MACROD2: variants seen among roughly 807,000 people sequenced by gnomAD.
MACROD2 encodes the protein ADP-ribose glycohydrolase MACROD2.
MACROD2 carries 36 observed loss-of-function variants against 70.4 expected under a neutral mutation model. That is an observed-to-expected ratio of 0.51 (90% CI 0.39 to 0.68). The LOEUF is 0.68. MACROD2 is among the 30% of genes least tolerant of loss of function. The pLI, the probability that MACROD2 is intolerant of heterozygous loss-of-function variation, is 0.00. For missense variants in MACROD2, 496 were observed against 538.4 expected, an observed-to-expected ratio of 0.92 and a Z score of 0.78; for synonymous variants, 172 against 178.8, an observed-to-expected ratio of 0.96 and a Z score of 0.30.
chr20:15,047,445 A>T (rs746521644), intron 5 of MACROD2, among the ~76,000 whole-genome samples: 3 of 152,172 alleles, frequency 2.0e-5, no homozygotes, highest in Non-Finnish European at 4.4e-5. Context: ...ACACTTATGG[A>T]ATTATATAAG....
At chr20:14,142,930 GATTTA>G (rs2054896379) in intron 3 of MACROD2, among the ~76,000 whole-genome samples, 2 of 152,178 alleles carry the variant, frequency 1.3e-5, no homozygotes, top group Admixed American at 1.3e-4. Flanking sequence ...AGCATAGATT[GATTTA>G]AAGTCTTAAG....
At position 15,256,234 on chromosome 20, in the gene MACROD2, CTTCTT is replaced by C. The variant is rs1442833558; in HGVS notation, c.540+26176_540+26180del. On this transcript the variant is annotated intron_variant, in intron 6 of 17. Transcript: ENST00000684519. ...AGTTTTTTGCAGCTCTTACTCTCCT[CTTCTT>C]TTGTGTTTGAAAATTTAAAAAGTGA... Among the ~76,000 whole-genome samples, 22 of 152,138 alleles carry C rather than the reference CTTCTT, an allele frequency of 1.4e-4. 1 individual carries two copies. In the East Asian group the frequency reaches 4.1e-3, roughly 28 times the overall value.
chr20:14,284,450 C>G (rs928496821), intron 3 of MACROD2, among the ~76,000 whole-genome samples: 1 of 152,150 alleles, frequency 6.6e-6, no homozygotes, highest in Non-Finnish European at 1.5e-5. Context: ...AATGGTGTCC[C>G]TCTGAAACCC....
At chr20:15,141,908 A>T (rs1219904996) in intron 5 of MACROD2, among the ~76,000 whole-genome samples, 1 of 152,102 alleles carries the variant, frequency 6.6e-6, no homozygotes, top group East Asian at 1.9e-4. Context: ...ACCCAGATCG[A>T]GCTTGTGCTT....
chr20:14,492,433 A>G (rs890228784), intron 3 of MACROD2, among the ~76,000 whole-genome samples: 7 of 152,210 alleles, frequency 4.6e-5, no homozygotes, highest in Non-Finnish European at 1.0e-4. Flanking sequence ...AACAACAATC[A>G]GTAAACTGTC....
Position 14,088,744 on chromosome 20 carries a change from C to T in MACROD2, c.271+3016C>T, listed in dbSNP as rs574258824. Among the ~76,000 whole-genome samples, 10 of 152,274 alleles carry T rather than the reference C, an allele frequency of 6.6e-5. No individual in the cohort carries two copies. The East Asian group carries it at 1.9e-3, about 29-fold the overall frequency. ...CTAGTGCCATTTTCTCTTTTTGTGT[C>T]AACTCCCCAAGCAATGTCATCTCCT... On this transcript the variant is annotated intron_variant, in intron 3 of 17. Coordinates refer to ENST00000684519, the MANE Select transcript of MACROD2 (RefSeq NM_001351661.2).
intron 6 of MACROD2, among the ~76,000 whole-genome samples, chr20:15,368,954 A>G (rs904659278): frequency 6.6e-6 from 1 of 152,176 alleles, no homozygotes; most frequent in Non-Finnish European, 1.5e-5. Flanking sequence ...TGATGAGTTG[A>G]TTAATCTTTG....
chr20:15,436,869 C>T (rs995893605), intron 7 of MACROD2, among the ~76,000 whole-genome samples: 3 of 152,128 alleles, frequency 2.0e-5, no homozygotes, highest in Non-Finnish European at 2.9e-5. Flanking sequence ...GAATCATTTC[C>T]TGGTGGCACT....
Position 14,154,642 on chromosome 20 carries a change from G to A in MACROD2, c.271+68914G>A, listed in dbSNP as rs942108139. ...TTAGCCAGGATGGTCTCGACCTCTTGACCTCGTGATCCGCCCGCCTCGGCC... is the reference window on the plus strand; with the variant it reads ...TTAGCCAGGATGGTCTCGACCTCTTAACCTCGTGATCCGCCCGCCTCGGCC... On this transcript the variant is annotated intron_variant, in intron 3 of 17. Transcript: ENST00000684519. 4.2e-5 allele frequency among the ~76,000 whole-genome samples: 6 copies of A among 142,506 alleles called. No individual in the cohort carries two copies. In the South Asian group the frequency reaches 1.3e-3, roughly 32 times the overall value. The allele number at this position is 142,506 out of a possible 152,430, so 93.5% of individuals were successfully genotyped here.
At chr20:15,302,369 C>T (rs1218265065) in intron 6 of MACROD2, among the ~76,000 whole-genome samples, 1 of 62,560 alleles carries the variant, frequency 1.6e-5, no homozygotes, top group Non-Finnish European at 3.1e-5. Flanking sequence ...AATACACACA[C>T]ACACACACAC....
chr20:15,333,256 C>A (rs1299621054), intron 6 of MACROD2, among the ~76,000 whole-genome samples: 1 of 151,474 alleles, frequency 6.6e-6, no homozygotes, highest in Admixed American at 6.6e-5. Context: ...TTTTGGTAAA[C>A]TCTCCAGGTG....
intron 5 of MACROD2, among the ~76,000 whole-genome samples, chr20:15,134,852 A>G (rs1464831251): frequency 6.6e-6 from 1 of 152,136 alleles, no homozygotes; most frequent in Non-Finnish European, 1.5e-5. Context: ...GAAGAATCAA[A>G]TAGACACAAT....
At chr20:14,082,557 A>G (rs1407253112) in intron 2 of MACROD2, among the ~76,000 whole-genome samples, 1 of 152,140 alleles carries the variant, frequency 6.6e-6, no homozygotes, top group Non-Finnish European at 1.5e-5. Flanking sequence ...ATTGTCTCAT[A>G]TGTTTAAAAA....
At chr20:14,522,785 C>A (rs980061560) in intron 4 of MACROD2, among the ~76,000 whole-genome samples, 2 of 152,144 alleles carry the variant, frequency 1.3e-5, no homozygotes, top group Admixed American at 6.5e-5. Flanking sequence ...CCTCATAGAT[C>A]TAGTCTCAAC....
At chr20:14,977,404 G>A (rs922928267) in intron 5 of MACROD2, among the ~76,000 whole-genome samples, 4 of 145,444 alleles carry the variant, frequency 2.8e-5, no homozygotes, top group African/African-American at 7.7e-5. Context: ...TTAGGTTCAT[G>A]TTAGTAGGTA....
intron 5 of MACROD2, among the ~76,000 whole-genome samples, chr20:14,852,442 G>A (rs1232831626): frequency 6.6e-6 from 1 of 152,082 alleles, no homozygotes; most frequent in Non-Finnish European, 1.5e-5. Context: ...AGGGGAAGAG[G>A]GTGACATGAA....
In MACROD2 at chr20:15,975,555, A is replaced by G. The variant is rs111900317; in HGVS notation, c.985+7925A>G. Among the ~76,000 whole-genome samples, 357 of 152,322 alleles carry G rather than the reference A, an allele frequency of 2.3e-3. 2 individuals carry two copies. Among genetic ancestry groups the G allele is most frequent in the African/African-American group, 8.1e-3 (337 of 41,582 alleles). On this transcript the variant is annotated intron_variant, in intron 13 of 17. Transcript: ENST00000684519. Reference sequence around the variant, plus strand: ...CAAGATTTCCAAATTAATTGTAATGACAGAGGATGATGCTTACTAAAATAT... The same window carrying G: ...CAAGATTTCCAAATTAATTGTAATGGCAGAGGATGATGCTTACTAAAATAT...
At chr20:14,608,018 C>T (rs906901160) in intron 4 of MACROD2, among the ~76,000 whole-genome samples, 2 of 151,988 alleles carry the variant, frequency 1.3e-5, no homozygotes, top group Non-Finnish European at 2.9e-5. Context: ...TTTGGGAGGC[C>T]GAGGTGGGTG....
chr20:15,951,777 A>G (rs2065909355), intron 12 of MACROD2, among the ~76,000 whole-genome samples: 1 of 152,138 alleles, frequency 6.6e-6, no homozygotes, highest in Admixed American at 6.5e-5. Context: ...GGTTTTCAAA[A>G]AGCATGTAAA....
Sources: gnomAD v4.1 joint callset for allele counts (sites outside exome capture counted in the v4.1 genomes callset) on GRCh38, gnomAD v4.1.1 for gene constraint, MANE v1.5 for transcripts, NCBI Gene and HGNC (gene_info 2026-07-23, HGNC 2026-07-21) for gene names.